STXBP5L: variants seen among roughly 807,000 people sequenced by gnomAD.
STXBP5L encodes syntaxin-binding protein 5-like.
A neutral mutation model predicts 144.5 loss-of-function variants in STXBP5L; 65 were observed. That is an observed-to-expected ratio of 0.45 (90% CI 0.37 to 0.55). The LOEUF (loss-of-function observed/expected upper bound fraction) is 0.55, where lower values mean the gene tolerates loss of function less well. Ranked by LOEUF, STXBP5L falls within the 20% of genes least tolerant of loss-of-function variation. STXBP5L has a pLI of 0.00. For synonymous variants in STXBP5L, 505 were observed against 469.6 expected, an observed-to-expected ratio of 1.08 and a Z score of -0.97; for missense variants, 1,298 against 1,405.5, an observed-to-expected ratio of 0.92 and a Z score of 1.22.
chr3:120,939,741 A>G (rs544488068), intron 2 of STXBP5L, among the ~76,000 whole-genome samples: 1 of 152,296 alleles, frequency 6.6e-6, no homozygotes, highest in Non-Finnish European at 1.5e-5. Flanking sequence ...TAAGAAATAC[A>G]CTATTACTGA....
At chr3:120,980,571 T>G (rs1941657708) in intron 3 of STXBP5L, among the ~76,000 whole-genome samples, 2 of 152,188 alleles carry the variant, frequency 1.3e-5, no homozygotes, top group African/African-American at 2.4e-5. Flanking sequence ...TTTCTACTTT[T>G]TGACTTTGAG....
At chr3:121,294,749 G>T (rs1321307397) in intron 19 of STXBP5L, among the ~76,000 whole-genome samples, 1 of 151,888 alleles carries the variant, frequency 6.6e-6, no homozygotes, top group East Asian at 1.9e-4. Flanking sequence ...CCAGGGAGAA[G>T]AGAAAAAGGA....
intron 19 of STXBP5L, among the ~76,000 whole-genome samples, chr3:121,312,825 T>C (rs1481792475): frequency 1.3e-5 from 2 of 152,232 alleles, no homozygotes; most frequent in East Asian, 1.9e-4. Flanking sequence ...TTTTTCCTAG[T>C]ACAGAACAAA....
intron 3 of STXBP5L, among the ~76,000 whole-genome samples, chr3:121,009,589 C>G (rs756072061): frequency 6.6e-6 from 1 of 151,942 alleles, no homozygotes; most frequent in African/African-American, 2.4e-5. Flanking sequence ...TCTTATTTCT[C>G]CTCTTTGTGG....
At chr3:121,193,155 G>A (rs946765394) in intron 9 of STXBP5L, among the ~76,000 whole-genome samples, 3 of 142,622 alleles carry the variant, frequency 2.1e-5, no homozygotes, top group Non-Finnish European at 4.6e-5. Context: ...ATCAAAAAGT[G>A]GGCAAAGATA....
intron 9 of STXBP5L, among the ~76,000 whole-genome samples, chr3:121,180,353 A>C (rs2047093404): frequency 1.3e-5 from 2 of 152,206 alleles, no homozygotes; most frequent in South Asian, 4.1e-4. Flanking sequence ...TCATTAATGA[A>C]GGAGAGACGT....
intron 8 of STXBP5L, among the ~76,000 whole-genome samples, chr3:121,155,159 A>G (rs1345878075): frequency 6.6e-6 from 1 of 151,912 alleles, no homozygotes; most frequent in Non-Finnish European, 1.5e-5. Context: ...TGTCGACAAT[A>G]CACAGTCCAT....
intron 5 of STXBP5L, among the ~76,000 whole-genome samples, chr3:121,093,564 C>G (rs1002026333): frequency 9.2e-5 from 14 of 152,076 alleles, no homozygotes; most frequent in East Asian, 5.8e-4. Flanking sequence ...TTGCGTAGAG[C>G]TGTTTGTAGT....
intron 19 of STXBP5L, among the ~76,000 whole-genome samples, chr3:121,315,628 T>TATA (rs1244393038): frequency 1.3e-5 from 2 of 151,646 alleles, no homozygotes; most frequent in African/African-American, 4.9e-5. Flanking sequence ...AAACTTAAAG[T>TATA]ATAATAATAA....
At chr3:121,313,692 A>T (rs1357865191) in intron 19 of STXBP5L, among the ~76,000 whole-genome samples, 5 of 39,138 alleles carry the variant, frequency 1.3e-4, no homozygotes, top group African/African-American at 2.4e-4. Flanking sequence ...CGGGCAGAGG[A>T]GCCCCTCACC....
At chr3:121,361,444 T>A (rs1161564414) in intron 20 of STXBP5L, among the ~76,000 whole-genome samples, 2 of 152,158 alleles carry the variant, frequency 1.3e-5, no homozygotes, top group Non-Finnish European at 2.9e-5. Context: ...TTTGAGGCTA[T>A]TTTCCAGATA....
At chr3:121,166,867 A>G (rs2046519799) in intron 9 of STXBP5L, among the ~76,000 whole-genome samples, 1 of 152,208 alleles carries the variant, frequency 6.6e-6, no homozygotes, top group African/African-American at 2.4e-5. Flanking sequence ...ATAATAGCAT[A>G]TAAAGAGAAA....
chr3:121,340,703 A>G (rs2044677900), intron 20 of STXBP5L, among the ~76,000 whole-genome samples: 1 of 152,078 alleles, frequency 6.6e-6, no homozygotes, highest in South Asian at 2.1e-4. Context: ...GTGTATATGA[A>G]GGCACAGAAT....
chr3:120,909,746 G>T lies in STXBP5L; in HGVS notation c.168G>T (p.Ser56=). 6.2e-7 allele frequency: 1 copy of T among 1,612,020 alleles called. No homozygotes were observed. The highest frequency in any genetic ancestry group is 8.5e-7 in the Non-Finnish European group (1 of 1,179,418). The change falls in exon 2 of 27, where the codon TCG becomes TCT. Residue 56 remains serine, a synonymous_variant. Transcript: ENST00000471454. ...LREEIQETLT[S]EYFQICKTVR... Reference sequence around the variant, plus strand: ...AGGAAATTCAGGAAACTTTGACTTCGGAGTATTTCCAGATTTGCAAGGTAA... The same window carrying T: ...AGGAAATTCAGGAAACTTTGACTTCTGAGTATTTCCAGATTTGCAAGGTAA...
At chr3:121,375,366 T>G (rs889285914) in intron 20 of STXBP5L, among the ~76,000 whole-genome samples, 2 of 152,188 alleles carry the variant, frequency 1.3e-5, no homozygotes, top group African/African-American at 4.8e-5. Context: ...TCTTAAACCC[T>G]ACTAAATATG....
intron 5 of STXBP5L, among the ~76,000 whole-genome samples, chr3:121,047,481 G>C (rs1947598181): frequency 6.6e-6 from 1 of 152,116 alleles, no homozygotes; most frequent in Non-Finnish European, 1.5e-5. Flanking sequence ...TATTGTGTGG[G>C]AATCTAAGTC....
At chr3:121,395,566 A>G (rs371882958) in intron 22 of STXBP5L, among the ~76,000 whole-genome samples, 1 of 152,200 alleles carries the variant, frequency 6.6e-6, no homozygotes. Flanking sequence ...ATAGGAGCAG[A>G]TTTATTATGA....
intron 19 of STXBP5L, among the ~76,000 whole-genome samples, chr3:121,283,603 A>T (rs1302117308): frequency 6.6e-6 from 1 of 152,014 alleles, no homozygotes; most frequent in Non-Finnish European, 1.5e-5. Flanking sequence ...AGTCCCAATC[A>T]TTCATTATAT....
At chr3:121,067,469 C>G (rs1370748706) in intron 5 of STXBP5L, among the ~76,000 whole-genome samples, 1 of 152,010 alleles carries the variant, frequency 6.6e-6, no homozygotes, top group Non-Finnish European at 1.5e-5. Context: ...AATAAAATGC[C>G]ACTGTGGAAA....
Sources: gnomAD v4.1 joint callset for allele counts (sites outside exome capture counted in the v4.1 genomes callset) on GRCh38, gnomAD v4.1.1 for gene constraint, MANE v1.5 for transcripts, NCBI Gene and HGNC (gene_info 2026-07-23, HGNC 2026-07-21) for gene names.